MACROD2: variants seen among roughly 807,000 people sequenced by gnomAD.
MACROD2 encodes the protein mono-ADP ribosylhydrolase 2.
MACROD2 carries 36 observed loss-of-function variants against 70.4 expected under a neutral mutation model. The ratio of observed to expected loss-of-function variants is 0.51; its 90% CI spans 0.39 to 0.68. MACROD2 has a LOEUF of 0.68. Ranked by LOEUF, MACROD2 falls within the 30% of genes least tolerant of loss-of-function variation. The probability of loss-of-function intolerance (pLI) is 0.00; values close to 1 mark genes in which losing one functional copy is unlikely to be tolerated. For synonymous variants in MACROD2, 172 were observed against 178.8 expected, an observed-to-expected ratio of 0.96 and a Z score of 0.30; for missense variants, 496 against 538.4, an observed-to-expected ratio of 0.92 and a Z score of 0.78.
intron 8 of MACROD2, among the ~76,000 whole-genome samples, chr20:15,605,280 C>T (rs1223466732): frequency 3.9e-5 from 6 of 152,102 alleles, no homozygotes; most frequent in African/African-American, 1.4e-4. Context: ...TCTCTCTGAG[C>T]ACTCTTGACT....
intron 6 of MACROD2, among the ~76,000 whole-genome samples, chr20:15,357,543 AAATAT>A (rs2078301705): frequency 6.6e-6 from 1 of 152,130 alleles, no homozygotes; most frequent in African/African-American, 2.4e-5. Flanking sequence ...TAATCATCAT[AAATAT>A]AATATGACCA....
intron 3 of MACROD2, among the ~76,000 whole-genome samples, chr20:14,399,415 G>A (rs1366102843): frequency 6.6e-6 from 1 of 151,740 alleles, no homozygotes; most frequent in Non-Finnish European, 1.5e-5. Flanking sequence ...ACTGTTTTTG[G>A]CTTGCATTTT....
chr20:14,622,582 A>C lies in MACROD2; in HGVS notation c.302-62261A>C, dbSNP rs780436655. Among the ~76,000 whole-genome samples, 140 of 152,092 alleles carry C rather than the reference A, an allele frequency of 9.2e-4. 4 individuals are homozygous for C. Among genetic ancestry groups the C allele is most frequent in the Non-Finnish European group, 8.5e-4 (58 of 68,026 alleles). ...CTTCCAGAAACTTCTGAGAGGCCAG[A>C]AGTTTTCAGAGTCTAGCTTTCTAGG... On this transcript the variant is annotated intron_variant, in intron 4 of 17. Coordinates refer to ENST00000684519, the MANE Select transcript of MACROD2 (RefSeq NM_001351661.2).
At chr20:15,353,940 G>C (rs1215567616) in intron 6 of MACROD2, among the ~76,000 whole-genome samples, 15 of 136,842 alleles carry the variant, frequency 1.1e-4, no homozygotes, top group Non-Finnish European at 2.0e-4. Flanking sequence ...AAGTCAGTGT[G>C]GCGATTCCTC....
intron 8 of MACROD2, among the ~76,000 whole-genome samples, chr20:15,536,107 G>A (rs374684567): frequency 7.2e-5 from 11 of 152,242 alleles, no homozygotes; most frequent in East Asian, 3.9e-4. Flanking sequence ...ACACGATACC[G>A]TTCCCCCTCA....
chr20:15,192,465 A>C (rs544381655), intron 5 of MACROD2, among the ~76,000 whole-genome samples: 6 of 152,292 alleles, frequency 3.9e-5, no homozygotes, highest in African/African-American at 1.4e-4. Flanking sequence ...TTAACAGGCA[A>C]ATGAACTAGA....
At chr20:14,834,044 G>T (rs1202494886) in intron 5 of MACROD2, among the ~76,000 whole-genome samples, 1 of 151,930 alleles carries the variant, frequency 6.6e-6, no homozygotes, top group Non-Finnish European at 1.5e-5. Context: ...CCATCAAGCT[G>T]TAAAAATGTA....
Position 15,904,594 on chromosome 20 carries a change from TAAGA to T in MACROD2, c.775+18796_775+18799del, listed in dbSNP as rs535549206. On this transcript the variant is annotated intron_variant, in intron 10 of 17. Transcript: ENST00000684519. ...ATGATTGCCAAGCTCAAGAAGACAG[TAAGA>T]AAGAAAGAAAGAGGCCAGGCGCGGT... 3.0e-4 allele frequency among the ~76,000 whole-genome samples: 45 copies of T among 151,564 alleles called. No homozygotes were observed. The South Asian group carries it at 8.4e-3, about 28-fold the overall frequency.
chr20:14,541,462 T>A (rs117846400), intron 4 of MACROD2, among the ~76,000 whole-genome samples: 1 of 152,136 alleles, frequency 6.6e-6, no homozygotes. Context: ...TCCTATTACT[T>A]ATAATTACAA....
chr20:15,191,850 T>C (rs532313355), intron 5 of MACROD2, among the ~76,000 whole-genome samples: 15 of 151,748 alleles, frequency 9.9e-5, no homozygotes, highest in African/African-American at 3.4e-4. Context: ...TTTGCCTGAT[T>C]CATGAAGCAT....
intron 8 of MACROD2, among the ~76,000 whole-genome samples, chr20:15,690,436 T>C (rs2050285076): frequency 6.6e-6 from 1 of 152,174 alleles, no homozygotes; most frequent in Non-Finnish European, 1.5e-5. Context: ...ATGCCAAGTA[T>C]GGGATATCTC....
At chr20:15,360,334 G>A (rs2078337293) in intron 6 of MACROD2, among the ~76,000 whole-genome samples, 1 of 152,100 alleles carries the variant, frequency 6.6e-6, no homozygotes, top group South Asian at 2.1e-4. Context: ...GCAGGTTTTT[G>A]TGAAGATGTA....
intron 4 of MACROD2, among the ~76,000 whole-genome samples, chr20:14,677,589 A>G (rs2070877643): frequency 6.6e-6 from 1 of 152,210 alleles, no homozygotes; most frequent in Admixed American, 6.5e-5. Flanking sequence ...TACAGCAGAA[A>G]GCCTAGCCTT....
chr20:14,039,821 T>G (rs2053367096), intron 2 of MACROD2, among the ~76,000 whole-genome samples: 1 of 151,880 alleles, frequency 6.6e-6, no homozygotes, highest in South Asian at 2.1e-4. Context: ...TTTTTTTTAT[T>G]AAGTATGACC....
intron 8 of MACROD2, among the ~76,000 whole-genome samples, chr20:15,584,530 A>T (rs1283548933): frequency 1.3e-5 from 2 of 152,250 alleles, no homozygotes; most frequent in African/African-American, 2.4e-5. Context: ...AAATAAAGTG[A>T]ATCTTTAAAG....
In MACROD2 at chr20:15,342,922, C is replaced by G. The variant is rs866565992; in HGVS notation, c.541-88483C>G. Among the ~76,000 whole-genome samples the G allele has an allele frequency of 3.3e-5, 5 of 152,306 alleles. No homozygotes were observed. The South Asian group carries it at 1.0e-3, about 32-fold the overall frequency. On this transcript the variant is annotated intron_variant, in intron 6 of 17. Coordinates refer to ENST00000684519, the MANE Select transcript of MACROD2 (RefSeq NM_001351661.2). ...TTTTGCTGTGCGATTTCCACCGTAT[C>G]ACTTAATATCTTCCAGTTGTTTCTT...
At chr20:14,783,682 A>G (rs1044740142) in intron 5 of MACROD2, among the ~76,000 whole-genome samples, 1 of 152,120 alleles carries the variant, frequency 6.6e-6, no homozygotes, top group East Asian at 1.9e-4. Flanking sequence ...TAGGTAGTTT[A>G]TTAGGGAGGT....
At chr20:15,261,170 AT>A (rs1216676811) in intron 6 of MACROD2, among the ~76,000 whole-genome samples, 2 of 151,548 alleles carry the variant, frequency 1.3e-5, no homozygotes, top group Non-Finnish European at 1.5e-5. Flanking sequence ...TATTTTAGCC[AT>A]TTTTTTTCAT....
At chr20:15,152,177 G>T (rs1332582388) in intron 5 of MACROD2, among the ~76,000 whole-genome samples, 1 of 151,982 alleles carries the variant, frequency 6.6e-6, no homozygotes, top group South Asian at 2.1e-4. Flanking sequence ...TGGAACCACT[G>T]TCAAGTTTGT....
Sources: allele counts gnomAD v4.1 joint callset (sites outside exome capture counted in the v4.1 genomes callset), GRCh38; gene constraint gnomAD v4.1.1; transcripts MANE v1.5; gene names NCBI Gene and HGNC (gene_info 2026-07-23, HGNC 2026-07-21).